Variants in ERMN observed in about 807,000 individuals in gnomAD.
ERMN encodes the protein ermin, ERM-like protein.
A neutral mutation model predicts 21.4 loss-of-function variants in ERMN; 17 were observed. The observed-to-expected ratio is 0.80, with a 90% CI of 0.54 to 1.19. The LOEUF is 1.19. Among genes scored for constraint, ERMN ranks in the 50% most tolerant of loss-of-function variants. The pLI, the probability that ERMN is intolerant of heterozygous loss-of-function variation, is 0.00. For missense variants in ERMN, 348 were observed against 331.6 expected, an observed-to-expected ratio of 1.05 and a Z score of -0.38; for synonymous variants, 115 against 111.9, an observed-to-expected ratio of 1.03 and a Z score of -0.17.
intron 2 of ERMN, 21 bp from the exon 3 acceptor site, chr2:157,321,812 A>G: frequency 1.8e-5 from 28 of 1,580,472 alleles, no homozygotes; most frequent in Non-Finnish European, 2.4e-5. Flanking sequence ...ATCAATTGGT[A>G]GATGAGATGT....
chr2:157,324,272 C>CAAA (rs748983472), intron 2 of ERMN: 10 of 94,804 alleles, frequency 1.1e-4, no homozygotes, highest in South Asian at 1.9e-4. Context: ...CACTCCGTCT[C>CAAA]AAAAAAAAAA....
In ERMN at chr2:157,319,789, T is replaced by C. The variant is rs868761893; in HGVS notation, c.*1482A>G. 2.0e-5 allele frequency: 3 copies of C among 152,162 alleles called. No individual in the cohort carries two copies. The highest frequency in any genetic ancestry group is 4.1e-4 in the South Asian group (2 of 4,834). 9.4% of individuals were successfully genotyped at this position (152,162 alleles called of 1,614,324 possible). A position where few individuals can be genotyped will look rare whatever the true frequency, so the allele number is the denominator to read the frequency against. ...ATCCTGAATTCAAATTGGAGTCTTG[T>C]AAACAACTAAATAATAGTATGTGAT... On this transcript the variant is annotated 3_prime_UTR_variant, in exon 3 of 3. Coordinates refer to ENST00000410096, the MANE Select transcript of ERMN (RefSeq NM_020711.3).
chr2:157,321,543 TG>T lies in ERMN; in HGVS notation c.582del (p.Cys194Ter). On this transcript the variant is annotated frameshift_variant, in exon 3 of 3. Transcript: ENST00000410096. LOFTEE classifies it high-confidence loss of function. ...ACTCGAACTTCATCTTCATCATTATTGCAATTATCATCATCATCATCATCAA... is the reference window on the plus strand; with the variant it reads ...ACTCGAACTTCATCTTCATCATTATTCAATTATCATCATCATCATCATCAA... ...EEIDDDDDDN[C>X]NNDEDEVRVI... is the part of the protein sequence containing the mutation. 1 of 1,614,072 alleles carries T rather than the reference TG, an allele frequency of 6.2e-7. No individual in the cohort carries two copies. The highest frequency in any genetic ancestry group is 8.5e-7 in the Non-Finnish European group (1 of 1,179,994).
chr2:157,327,286 C>G, upstream of ERMN: 1 of 576,318 alleles, frequency 1.7e-6, no homozygotes, highest in Non-Finnish European at 3.1e-6. Context: ...AATCCCCTCT[C>G]CCTTGTCCTT....
chr2:157,325,687 T>C lies in ERMN; in HGVS notation c.-45A>G, dbSNP rs1269874132. ...TCTGGAGAGAGAGCTTTAGGGAAAC[T>C]GAGTGAGTAGATCCTTGATAAGATA... is the stretch of plus-strand genomic sequence containing the variant. On this transcript the variant is annotated 5_prime_UTR_variant, in exon 1 of 3. Coordinates refer to ENST00000410096, the MANE Select transcript of ERMN (RefSeq NM_020711.3). 1.2e-6 allele frequency: 2 copies of C among 1,612,796 alleles called. No homozygotes were observed. Among genetic ancestry groups the C allele is most frequent in the African/African-American group, 2.7e-5 (2 of 74,936 alleles).
At chr2:157,322,391 T>C (rs1174954057) in intron 2 of ERMN, among the ~76,000 whole-genome samples, 1 of 152,140 alleles carries the variant, frequency 6.6e-6, no homozygotes, top group Non-Finnish European at 1.5e-5. Context: ...CAACATACCC[T>C]CAACAATATT....
chr2:157,320,599 T>C lies in ERMN; in HGVS notation c.*672A>G, dbSNP rs1382913679. 1 of 152,230 alleles carries C rather than the reference T, an allele frequency of 6.6e-6. No individual in the cohort carries two copies. The highest frequency in any genetic ancestry group is 2.4e-5 in the African/African-American group (1 of 41,442). 9.4% of individuals were successfully genotyped at this position (152,230 alleles called of 1,614,324 possible). A position where few individuals can be genotyped will look rare whatever the true frequency, so the allele number is the denominator to read the frequency against. On this transcript the variant is annotated 3_prime_UTR_variant, in exon 3 of 3. Transcript: ENST00000410096. Reference sequence around the variant, plus strand: ...GTGTCAACCTCACAATGGGTTTAATTCAGTTTGAAAGCATAAAGGCAACAT... The same window carrying C: ...GTGTCAACCTCACAATGGGTTTAATCCAGTTTGAAAGCATAAAGGCAACAT...
chr2:157,322,009 C>A (rs1683921969), intron 2 of ERMN, among the ~76,000 whole-genome samples: 1 of 152,142 alleles, frequency 6.6e-6, no homozygotes, highest in Admixed American at 6.6e-5. Context: ...TAAGCATCTT[C>A]AGAATTTTTA....
chr2:157,327,240 C>G (rs1684088937), upstream of ERMN: 1 of 458,116 alleles, frequency 2.2e-6, no homozygotes. Context: ...TGAGCCCATT[C>G]AGGTCTATAT....
Position 157,325,453 on chromosome 2 carries a change from A to C in ERMN, c.190T>G (p.Leu64Val). The change falls in exon 1 of 3, where the codon TTA (leucine) becomes GTA (valine). Residue 64 changes from leucine (L) to valine (V), a missense_variant. Transcript: ENST00000410096. ...GAGTTGAGCAGCATGTTCCCTTGTA[A>C]TTTTCTTCTTTCCTCCTGACTTCCT... is the stretch of plus-strand genomic sequence containing the variant. ...TKGSQEERRKLQGNMLLNSSM... is the reference protein window; with the variant it reads ...TKGSQEERRKVQGNMLLNSSM... 2 of 1,613,976 alleles carry C rather than the reference A, an allele frequency of 1.2e-6. No individual in the cohort carries two copies. Among genetic ancestry groups the C allele is most frequent in the Non-Finnish European group, 1.7e-6 (2 of 1,179,980 alleles).
At chr2:157,327,361 C>G (rs1684092153), upstream of ERMN, 1 of 710,256 alleles carries the variant, frequency 1.4e-6, no homozygotes, top group South Asian at 1.5e-5. Flanking sequence ...CTCTAGTCAG[C>G]ACTCTAATTC....
chr2:157,323,131 C>T (rs985645607), intron 2 of ERMN, among the ~76,000 whole-genome samples: 1 of 152,120 alleles, frequency 6.6e-6, no homozygotes, highest in Admixed American at 6.6e-5. Context: ...GGAAAGGATT[C>T]ATTGAGGGAA....
Position 157,325,525 on chromosome 2 carries a change from G to C in ERMN, c.118C>G (p.Leu40Val). The C allele has an allele frequency of 3.1e-6, 5 of 1,614,122 alleles. No homozygotes were observed. In the South Asian group the frequency reaches 5.5e-5, roughly 18 times the overall value. The change falls in exon 1 of 3, where the codon CTG becomes GTG. Residue 40 changes from leucine (L) to valine (V), a missense_variant. Leu to Val is a conservative substitution (Grantham distance 32, BLOSUM62 1). Coordinates refer to ENST00000410096, the MANE Select transcript of ERMN (RefSeq NM_020711.3). The stretch of plus-strand genomic sequence containing the variant: ...CTGGGTTCTACCCTGTAGTGTGGCA[G>C]GGGGCTGTCCACATCAGTCAATTCC... ...SEELTDVDSPLPHYRVEPSLE... is the reference protein window; with the variant it reads ...SEELTDVDSPVPHYRVEPSLE...
In ERMN at chr2:157,320,024, C is replaced by T. The variant is rs1223444136; in HGVS notation, c.*1247G>A. The T allele has an allele frequency of 6.6e-6, 1 of 151,840 alleles. No individual in the cohort carries two copies. Among genetic ancestry groups the T allele is most frequent in the Non-Finnish European group, 1.5e-5 (1 of 67,916 alleles). 9.4% of individuals were successfully genotyped at this position (151,840 alleles called of 1,614,324 possible). ...AGGAATTGTCTTTTTATTTGCAGGG[C>T]AAAACAAAATCTTTATCTGTGGTGA... On this transcript the variant is annotated 3_prime_UTR_variant, in exon 3 of 3. Coordinates refer to ENST00000410096, the MANE Select transcript of ERMN (RefSeq NM_020711.3).
Position 157,319,563 on chromosome 2 carries a change from G to T in ERMN, c.*1708C>A, listed in dbSNP as rs117621794. On this transcript the variant is annotated 3_prime_UTR_variant, in exon 3 of 3. Coordinates refer to ENST00000410096, the MANE Select transcript of ERMN (RefSeq NM_020711.3). The stretch of plus-strand genomic sequence containing the variant: ...CTAGAAAAGAAAACAGCTTGTCCAT[G>T]TAGAAAGATTAGAGGATCTAAATTA... The T allele has an allele frequency of 6.6e-6, 1 of 152,138 alleles. No homozygotes were observed. The highest frequency in any genetic ancestry group is 2.1e-4 in the South Asian group (1 of 4,830). 9.4% of individuals were successfully genotyped at this position (152,138 alleles called of 1,614,324 possible). A position where few individuals can be genotyped will look rare whatever the true frequency, so the allele number is the denominator to read the frequency against.
At chr2:157,325,311 T>C in intron 1 of ERMN, 91 bp downstream of exon 1, 1 of 1,552,078 alleles carries the variant, frequency 6.4e-7, no homozygotes, top group Non-Finnish European at 8.9e-7. Context: ...TTTTGGGGTG[T>C]CCAGCTCATT....
upstream of ERMN, chr2:157,327,366 T>C (rs191828311): frequency 2.8e-6 from 2 of 725,160 alleles, no homozygotes; most frequent in Non-Finnish European, 5.1e-6. Context: ...GTCAGCACTC[T>C]AATTCTATGT....
intron 2 of ERMN, among the ~76,000 whole-genome samples, chr2:157,323,115 CA>C (rs1683956668): frequency 6.6e-6 from 1 of 152,184 alleles, no homozygotes. Flanking sequence ...CATACTCCAT[CA>C]AACAGGAAAG....
At position 157,318,967 on chromosome 2, in the gene ERMN, C is replaced by T. The variant is rs1683793615; in HGVS notation, c.*2304G>A. Reference sequence around the variant, plus strand: ...AGTTTGTGTTCTTAATCATGTTCCCCCTGAGTTTCAAATATGTTAAAAATC... The same window carrying T: ...AGTTTGTGTTCTTAATCATGTTCCCTCTGAGTTTCAAATATGTTAAAAATC... On this transcript the variant is annotated 3_prime_UTR_variant, in exon 3 of 3. Coordinates refer to ENST00000410096, the MANE Select transcript of ERMN (RefSeq NM_020711.3). 1 of 152,074 alleles carries T rather than the reference C, an allele frequency of 6.6e-6. No homozygotes were observed. The allele number at this position is 152,074 out of a possible 1,614,324, so 9.4% of individuals were successfully genotyped here.
Sources: allele counts gnomAD v4.1 joint callset (sites outside exome capture counted in the v4.1 genomes callset), GRCh38; gene constraint gnomAD v4.1.1; transcripts MANE v1.5; gene names NCBI Gene and HGNC (gene_info 2026-07-23, HGNC 2026-07-21).